Variants in AFAP1 observed in about 807,000 individuals in gnomAD.
AFAP1 encodes actin filament-associated protein 1.
In AFAP1, 75 loss-of-function variants were observed where a neutral mutation model predicts 93.9. That is an observed-to-expected ratio of 0.80 (90% CI 0.66 to 0.97). The LOEUF (loss-of-function observed/expected upper bound fraction) is 0.97, where lower values mean the gene tolerates loss of function less well. Among genes scored for constraint, AFAP1 ranks in the 50% least tolerant of loss-of-function variants. AFAP1 has a pLI of 0.00. For synonymous variants in AFAP1, 517 were observed against 430.7 expected (o/e 1.20, Z -2.48); for missense variants, 1,201 against 1,050.8 (o/e 1.14, Z -1.98).
chr4:7,915,131 G>A (rs539686260), intron 1 of AFAP1, among the ~76,000 whole-genome samples: 42 of 152,250 alleles, frequency 2.8e-4, no homozygotes, highest in African/African-American at 8.9e-4. Flanking sequence ...TGATCTGCCC[G>A]CCTCGGCCTC....
chr4:7,924,852 G>C lies in AFAP1; in HGVS notation c.-3+14804C>G, dbSNP rs534471275. On this transcript the variant is annotated intron_variant, in intron 1 of 17. Transcript: ENST00000420658. ...ATGACAACTCTGTCCCACGTGGCCA[G>C]GACTTGACTCAAAACCAACAGCCAC... Among the ~76,000 whole-genome samples the C allele has an allele frequency of 3.3e-5, 5 of 151,456 alleles. No homozygotes were observed. In the South Asian group the frequency reaches 8.4e-4, roughly 26 times the overall value.
At chr4:7,809,843 T>C in intron 8 of AFAP1, 80 bp from the exon 9 acceptor site, 1 of 1,504,956 alleles carries the variant, frequency 6.6e-7, no homozygotes, top group Non-Finnish European at 8.9e-7. Context: ...TCAAAACCCA[T>C]TTCTTCTTTC....
At chr4:7,767,608 C>T (rs965777185) in intron 17 of AFAP1, among the ~76,000 whole-genome samples, 15 of 152,120 alleles carry the variant, frequency 9.9e-5, no homozygotes, top group South Asian at 2.1e-4. Flanking sequence ...CCGACACACA[C>T]GGTCTTCAGT....
At chr4:7,768,786 C>T in intron 17 of AFAP1, 58 bp downstream of exon 17, 3 of 1,487,412 alleles carry the variant, frequency 2.0e-6, no homozygotes, top group African/African-American at 1.4e-5. Flanking sequence ...CCCGAGAATG[C>T]TGGGAGCTTA....
At chr4:7,846,748 A>G (rs1231661997) in intron 4 of AFAP1, among the ~76,000 whole-genome samples, 2 of 152,140 alleles carry the variant, frequency 1.3e-5, no homozygotes, top group Non-Finnish European at 2.9e-5. Context: ...GCCTGCTCCA[A>G]ATTTACAAAG....
intron 3 of AFAP1, among the ~76,000 whole-genome samples, chr4:7,861,711 A>G (rs1560205965): frequency 6.6e-6 from 1 of 152,276 alleles, no homozygotes; most frequent in African/African-American, 2.4e-5. Context: ...GAATCCAGCC[A>G]TAAAGCGAAT....
At chr4:7,807,398 C>A (rs1183897886) in intron 9 of AFAP1, among the ~76,000 whole-genome samples, 1 of 152,198 alleles carries the variant, frequency 6.6e-6, no homozygotes, top group African/African-American at 2.4e-5. Context: ...AGCACTGGGG[C>A]ACCAACACAT....
In AFAP1 at chr4:7,766,562, G is replaced by A. The variant is rs57842737; in HGVS notation, c.2418+2282C>T. Reference sequence around the variant, plus strand: ...AGAATCTCCAGGTGACTGTGTCACGGGAGGGAAACAGAATCTCCAGGTGAC... The same window carrying A: ...AGAATCTCCAGGTGACTGTGTCACGAGAGGGAAACAGAATCTCCAGGTGAC... On this transcript the variant is annotated intron_variant, in intron 17 of 17. Coordinates refer to ENST00000420658, the MANE Select transcript of AFAP1 (RefSeq NM_001134647.2). Among the ~76,000 whole-genome samples, 122 of 118,852 alleles carry A rather than the reference G, an allele frequency of 1.0e-3. 2 individuals carry two copies. The highest frequency in any genetic ancestry group is 9.1e-3 in the South Asian group (26 of 2,866). 78.0% of individuals were successfully genotyped at this position (118,852 alleles called of 152,430 possible). A position where few individuals can be genotyped will look rare whatever the true frequency, so the allele number is the denominator to read the frequency against.
At chr4:7,874,111 C>T (rs1717309846) in intron 1 of AFAP1, among the ~76,000 whole-genome samples, 1 of 152,184 alleles carries the variant, frequency 6.6e-6, no homozygotes, top group Non-Finnish European at 1.5e-5. Flanking sequence ...CTGCACAACT[C>T]AGTGAACCAT....
chr4:7,788,844 G>C (rs140136418), intron 11 of AFAP1: 2 of 152,362 alleles, frequency 1.3e-5, no homozygotes, highest in South Asian at 2.1e-4. Flanking sequence ...TCCTTCCAGC[G>C]GCAGGCACGT....
chr4:7,883,126 C>A (rs112368326), intron 1 of AFAP1, among the ~76,000 whole-genome samples: 6 of 136,314 alleles, frequency 4.4e-5, no homozygotes, highest in East Asian at 4.7e-4. Context: ...GTTGAGGTTA[C>A]GGTGAGCCAT....
chr4:7,812,833 GA>G (rs1720169927), intron 8 of AFAP1, among the ~76,000 whole-genome samples: 1 of 152,224 alleles, frequency 6.6e-6, no homozygotes, highest in South Asian at 2.1e-4. Flanking sequence ...AGGGGCATGA[GA>G]AATTAATACT....
At chr4:7,927,209 G>A (rs1720813263) in intron 1 of AFAP1, among the ~76,000 whole-genome samples, 1 of 152,184 alleles carries the variant, frequency 6.6e-6, no homozygotes, top group Admixed American at 6.5e-5. Flanking sequence ...CACAGCTCTA[G>A]CAGAGCTCAG....
intron 6 of AFAP1, among the ~76,000 whole-genome samples, chr4:7,831,393 T>TAAAA (rs34512873): frequency 2.1e-4 from 29 of 137,884 alleles, no homozygotes; most frequent in African/African-American, 7.1e-4. Context: ...CAGCAAATGC[T>TAAAA]AAAAAAAAAA....
Position 7,768,867 on chromosome 4 carries a change from C to T in AFAP1, c.2395G>A (p.Gly799Arg). The change falls in exon 17 of 18, where the codon GGG (glycine) becomes AGG (arginine). Residue 799 changes from glycine to arginine, a missense_variant. Physicochemically the swap from Gly to Arg is moderately radical, Grantham distance 125. Transcript: ENST00000420658. ...ACCTTGGCCTTCCGCAGCACATGCC[C>T]TCGGCAGGGGGAGCTGCCCGGGGCA... Reference protein sequence around the residue: ...QAAPGSSPCRGHVLRKAKEWE... With the variant: ...QAAPGSSPCRRHVLRKAKEWE... 6.2e-7 allele frequency: 1 copy of T among 1,606,196 alleles called. No homozygotes were observed. Among genetic ancestry groups the T allele is most frequent in the East Asian group, 2.2e-5 (1 of 44,586 alleles).
intron 4 of AFAP1, among the ~76,000 whole-genome samples, chr4:7,850,950 A>C (rs4496582): frequency 0.79 from 119,637 of 152,080 alleles, 47,394 homozygotes; most frequent in East Asian, 0.94. Flanking sequence ...GCCACAGCCA[A>C]CCACTGACTT....
intron 11 of AFAP1, among the ~76,000 whole-genome samples, chr4:7,786,856 C>T (rs962639552): frequency 6.6e-6 from 1 of 152,196 alleles, no homozygotes; most frequent in South Asian, 2.1e-4. Flanking sequence ...GGAAAAAGTT[C>T]GTGGACCCCT....
intron 3 of AFAP1, among the ~76,000 whole-genome samples, chr4:7,864,908 T>A (rs1716231346): frequency 6.6e-6 from 1 of 151,510 alleles, no homozygotes; most frequent in African/African-American, 2.4e-5. Flanking sequence ...AGCACAGGAG[T>A]TCAAGGCTGC....
chr4:7,855,390 C>T, intron 4 of AFAP1, 76 bp downstream of exon 4: 1 of 1,192,624 alleles, frequency 8.4e-7, no homozygotes, highest in South Asian at 1.5e-5. Context: ...GCCCTTCCTA[C>T]CCAGAAAGGG....
Sources: allele counts gnomAD v4.1 joint callset (sites outside exome capture counted in the v4.1 genomes callset), GRCh38; gene constraint gnomAD v4.1.1; transcripts MANE v1.5; gene names NCBI Gene and HGNC (gene_info 2026-07-23, HGNC 2026-07-21).